The following COL5A2 variants were observed in gnomAD, a reference collection of about 807,000 sequenced individuals.
COL5A2 encodes collagen type V alpha 2 chain, also known as collagen alpha-2(V) chain.
COL5A2 carries 23 observed loss-of-function variants against 208.2 expected under a neutral mutation model. That is an observed-to-expected ratio of 0.11 (90% confidence interval 0.08 to 0.16). COL5A2 has a LOEUF of 0.16. Ranked by LOEUF, COL5A2 falls within the 10% of genes least tolerant of loss-of-function variation. The probability of loss-of-function intolerance (pLI) is 1.00; values close to 1 mark genes in which losing one functional copy is unlikely to be tolerated. For missense variants in COL5A2, 1,590 were observed against 1,956.4 expected (o/e 0.81, Z 3.53); for synonymous variants, 625 against 628.5 (o/e 0.99, Z 0.08).
At chr2:189,252,064 A>G in the COL5A2 span, among the ~76,000 whole-genome samples, 2 of 152,248 alleles carry the variant, frequency 1.3e-5, no homozygotes, top group African/African-American at 2.4e-5. Flanking sequence ...ACAATGAGAT[A>G]CCATCTCACA....
the COL5A2 span, among the ~76,000 whole-genome samples, chr2:189,274,146 A>T: frequency 2.6e-5 from 4 of 152,146 alleles, no homozygotes; most frequent in Admixed American, 1.3e-4. Flanking sequence ...AATATTTTTT[A>T]AAATAATGAT....
At chr2:189,251,786 C>T in the COL5A2 span, among the ~76,000 whole-genome samples, 5 of 151,910 alleles carry the variant, frequency 3.3e-5, no homozygotes, top group African/African-American at 7.3e-5. Context: ...TAAAGAGCTT[C>T]GCACAGCAAA....
At position 189,034,211 on chromosome 2, in the gene COL5A2, C is replaced by T; in HGVS notation, c.4359G>A (p.Arg1453=). 1 of 1,613,914 alleles carries T rather than the reference C, an allele frequency of 6.2e-7. No homozygotes were observed. Among genetic ancestry groups the T allele is most frequent in the Non-Finnish European group, 8.5e-7 (1 of 1,179,874 alleles). Residue 1453 remains arginine, a synonymous_variant, in exon 54 of 54, where the codon CGG becomes CGA. Coordinates refer to ENST00000374866, the MANE Select transcript of COL5A2 (RefSeq NM_000393.5). ...YIVLQDTCSK[R]NGNVGKTVFE... ...AGACAGTCTTGCCCACATTTCCATT[C>T]CGCTTCTGAAATTAAATGATGCAAT...
chr2:189,057,556 T>C (rs1402565241), intron 33 of COL5A2, 129 bp from the exon 34 acceptor site: 6 of 709,094 alleles, frequency 8.5e-6, no homozygotes, highest in Non-Finnish European at 1.5e-5. Flanking sequence ...ATATTTTTCA[T>C]CTGAGAAAGT....
chr2:189,317,507 A>C, the COL5A2 span, among the ~76,000 whole-genome samples: 1 of 152,166 alleles, frequency 6.6e-6, no homozygotes, highest in African/African-American at 2.4e-5. Context: ...GTCTGGTTTA[A>C]GAATCCATGC....
At chr2:189,385,286 T>G in the COL5A2 span, among the ~76,000 whole-genome samples, 1 of 152,136 alleles carries the variant, frequency 6.6e-6, no homozygotes, top group African/African-American at 2.4e-5. Flanking sequence ...AGTTTGAGAA[T>G]GCCAAATCAA....
At position 189,042,659 on chromosome 2, in the gene COL5A2, G is replaced by T. The variant is rs1685585128; in HGVS notation, c.3525+61C>A. The T allele has an allele frequency of 8.8e-6, 13 of 1,471,112 alleles. No homozygotes were observed. The Admixed American group carries it at 2.1e-4, about 24-fold the overall frequency. 91.1% of individuals were successfully genotyped at this position (1,471,112 alleles called of 1,614,324 possible). On this transcript the variant is annotated intron_variant, in intron 49 of 53. Transcript: ENST00000374866. ...CCAGGAAAACGATACTCAAGCATTA[G>T]CAGTACATCAACAAAGGCATTATTA...
chr2:189,401,059 T>C, the COL5A2 span, among the ~76,000 whole-genome samples: 1 of 152,136 alleles, frequency 6.6e-6, no homozygotes, highest in Non-Finnish European at 1.5e-5. Flanking sequence ...TTTTCTTATT[T>C]CCAACTTTTA....
intron 19 of COL5A2, 135 bp from the exon 20 acceptor site, chr2:189,068,405 A>C (rs992600612): frequency 1.3e-6 from 1 of 777,768 alleles, no homozygotes. Context: ...ATTATATCAT[A>C]AAAATTACTT....
chr2:189,297,798 A>C, the COL5A2 span, among the ~76,000 whole-genome samples: 1 of 152,230 alleles, frequency 6.6e-6, no homozygotes. Context: ...TCTATCTGCC[A>C]AACCAATGAA....
chr2:189,099,275 AC>A (rs1687000625), intron 4 of COL5A2, among the ~76,000 whole-genome samples: 1 of 152,172 alleles, frequency 6.6e-6, no homozygotes, highest in Admixed American at 6.5e-5. Context: ...CGTTAAAAAA[AC>A]AAGCCAATTA....
chr2:189,428,339 G>C, the COL5A2 span, among the ~76,000 whole-genome samples: 536 of 152,284 alleles, frequency 3.5e-3, 3 homozygotes, highest in African/African-American at 0.012. Context: ...AAAACTGTGA[G>C]CCAGGCATGG....
At chr2:189,326,284 T>A in the COL5A2 span, among the ~76,000 whole-genome samples, 1 of 152,178 alleles carries the variant, frequency 6.6e-6, no homozygotes, top group African/African-American at 2.4e-5. Context: ...ATTAATAATT[T>A]ATTTTAAAAG....
intron 1 of COL5A2, among the ~76,000 whole-genome samples, chr2:189,154,750 C>T (rs191192973): frequency 3.9e-4 from 60 of 152,232 alleles, no homozygotes; most frequent in Non-Finnish European, 8.4e-4. Flanking sequence ...GAGTGAGCCA[C>T]CGTGCTGTCC....
At chr2:189,353,518 T>C in the COL5A2 span, among the ~76,000 whole-genome samples, 1 of 152,186 alleles carries the variant, frequency 6.6e-6, no homozygotes. Flanking sequence ...CCCTTGTAAG[T>C]TGGATTCCTA....
At chr2:189,427,029 G>A in the COL5A2 span, among the ~76,000 whole-genome samples, 1 of 152,258 alleles carries the variant, frequency 6.6e-6, no homozygotes, top group Non-Finnish European at 1.5e-5. Context: ...AGGAAGGCAA[G>A]TGCTGATAGC....
At chr2:189,171,390 A>G (rs1379210871) in intron 1 of COL5A2, among the ~76,000 whole-genome samples, 4 of 152,232 alleles carry the variant, frequency 2.6e-5, no homozygotes, top group African/African-American at 9.6e-5. Context: ...AAGCAGATAC[A>G]TGAGAGGCAA....
chr2:189,435,207 T>C, the COL5A2 span, among the ~76,000 whole-genome samples: 2 of 152,164 alleles, frequency 1.3e-5, no homozygotes, highest in African/African-American at 4.8e-5. Flanking sequence ...ATGTTAGACC[T>C]AAAACCATAA....
At chr2:189,048,068 T>C (rs1265894016) in intron 45 of COL5A2, 141 bp downstream of exon 45, 71 of 726,034 alleles carry the variant, frequency 9.8e-5, no homozygotes, top group Non-Finnish European at 3.4e-5. Context: ...ATAAAAATTA[T>C]GGCTTTACAG....
Sources: allele counts gnomAD v4.1 joint callset (sites outside exome capture counted in the v4.1 genomes callset), GRCh38; gene constraint gnomAD v4.1.1; transcripts MANE v1.5; gene names NCBI Gene and HGNC (gene_info 2026-07-23, HGNC 2026-07-21).